The following ARHGAP25 variants were observed in gnomAD, a reference collection of about 807,000 sequenced individuals.
ARHGAP25 encodes rho GTPase-activating protein 25.
Under a neutral mutation model 71.0 loss-of-function variants are expected in ARHGAP25, and 34 were observed. The ratio of observed to expected loss-of-function variants is 0.48; its 90% CI spans 0.36 to 0.64. ARHGAP25 has a LOEUF of 0.64. ARHGAP25 is among the 30% of genes least tolerant of loss of function. ARHGAP25 has a pLI of 0.00. For synonymous variants in ARHGAP25, 282 were observed against 296.5 expected (o/e 0.95, Z 0.50); for missense variants, 706 against 805.1 (o/e 0.88, Z 1.49).
upstream of ARHGAP25, among the ~76,000 whole-genome samples, chr2:68,731,189 C>T (rs549601769): frequency 6.6e-6 from 1 of 152,142 alleles, no homozygotes; most frequent in Non-Finnish European, 1.5e-5. Flanking sequence ...CCCCTTGGGT[C>T]CCTAAATCAA....
At chr2:68,799,150 A>G (rs1362838322) in intron 4 of ARHGAP25, among the ~76,000 whole-genome samples, 1 of 152,202 alleles carries the variant, frequency 6.6e-6, no homozygotes, top group East Asian at 1.9e-4. Context: ...TGGAGGCAAC[A>G]TTGCCAGGGG....
At chr2:68,810,556 T>C (rs1294072173) in intron 5 of ARHGAP25, among the ~76,000 whole-genome samples, 1 of 152,202 alleles carries the variant, frequency 6.6e-6, no homozygotes, top group East Asian at 1.9e-4. Context: ...TTTTGCTCTT[T>C]TATTATAACT....
At chr2:68,822,292 C>T in intron 9 of ARHGAP25, 48 bp from the exon 10 acceptor site, 1 of 1,562,702 alleles carries the variant, frequency 6.4e-7, no homozygotes, top group Non-Finnish European at 8.7e-7. Context: ...GAGCATGACA[C>T]ACAGAGGTGA....
intron 1 of ARHGAP25, among the ~76,000 whole-genome samples, chr2:68,736,340 T>C (rs1242141660): frequency 6.6e-6 from 1 of 152,210 alleles, no homozygotes; most frequent in Non-Finnish European, 1.5e-5. Flanking sequence ...AATGATTGTA[T>C]GCTGAGGTCA....
Position 68,775,673 on chromosome 2 carries a change from C to T in ARHGAP25, c.261+253C>T, listed in dbSNP as rs1400444127. 4.7e-6 allele frequency: 3 copies of T among 641,588 alleles called. No homozygotes were observed. The Admixed American group carries it at 6.3e-5, about 14-fold the overall frequency. 39.7% of individuals were successfully genotyped at this position (641,588 alleles called of 1,614,324 possible). A position where few individuals can be genotyped will look rare whatever the true frequency, so the allele number is the denominator to read the frequency against. Reference sequence around the variant, plus strand: ...ACACATGGCTCTGAGTCAAGACTGGCAACAGGGCGGTGATGGTAGTGACAC... The same window carrying T: ...ACACATGGCTCTGAGTCAAGACTGGTAACAGGGCGGTGATGGTAGTGACAC... On this transcript the variant is annotated intron_variant, in intron 2 of 10. Coordinates refer to ENST00000409202, the MANE Select transcript of ARHGAP25 (RefSeq NM_001007231.3).
chr2:68,740,652 C>T (rs1675473109), intron 1 of ARHGAP25, among the ~76,000 whole-genome samples: 1 of 152,176 alleles, frequency 6.6e-6, no homozygotes, highest in Non-Finnish European at 1.5e-5. Context: ...TTTCCCAGGC[C>T]ATTTAAACAG....
At chr2:68,797,830 G>T (rs1371666983) in intron 4 of ARHGAP25, among the ~76,000 whole-genome samples, 8 of 152,198 alleles carry the variant, frequency 5.3e-5, no homozygotes, top group African/African-American at 1.9e-4. Context: ...CTACGGCCTG[G>T]ATTGTATAAT....
intron 9 of ARHGAP25, among the ~76,000 whole-genome samples, chr2:68,821,414 A>G (rs570297830): frequency 4.3e-4 from 66 of 152,098 alleles, no homozygotes; most frequent in African/African-American, 1.5e-3. Context: ...AGTTCTTCAT[A>G]CTACAAAAGA....
At chr2:68,820,670 G>A (rs1263803986) in intron 9 of ARHGAP25, among the ~76,000 whole-genome samples, 5 of 152,018 alleles carry the variant, frequency 3.3e-5, no homozygotes, top group African/African-American at 1.2e-4. Flanking sequence ...TATGCACATG[G>A]TTCAAGTAAT....
chr2:68,734,826 C>CTG lies in ARHGAP25; in HGVS notation c.-374_-373insTG, dbSNP rs1675122141. On this transcript the variant is annotated 5_prime_UTR_variant, in exon 1 of 11. Coordinates refer to ENST00000409202, the MANE Select transcript of ARHGAP25 (RefSeq NM_001007231.3). ...AAGAGGCAGCAGTTGTTTATCACGA[C>CTG]CTCAACTCAGTAAGGCCTGAGATTC... is the stretch of plus-strand genomic sequence containing the variant. 1 of 264,884 alleles carries CTG rather than the reference C, an allele frequency of 3.8e-6. No homozygotes were observed. Among genetic ancestry groups the CTG allele is most frequent in the African/African-American group, 2.2e-5 (1 of 44,858 alleles). The allele number at this position is 264,884 out of a possible 1,614,324, so 16.4% of individuals were successfully genotyped here.
chr2:68,780,290 A>C (rs1678231003), intron 2 of ARHGAP25, among the ~76,000 whole-genome samples: 1 of 152,206 alleles, frequency 6.6e-6, no homozygotes, highest in African/African-American at 2.4e-5. Flanking sequence ...GGGTGTCAAA[A>C]GACAGTTTGG....
chr2:68,782,128 C>A, intron 2 of ARHGAP25, 105 bp from the exon 3 acceptor site: 1 of 1,021,640 alleles, frequency 9.8e-7, no homozygotes, highest in Non-Finnish European at 1.5e-6. Context: ...TCCCTATCCT[C>A]CTACTCTCCT....
chr2:68,824,680 T>C (rs927342380), intron 10 of ARHGAP25, among the ~76,000 whole-genome samples: 3 of 151,946 alleles, frequency 2.0e-5, no homozygotes, highest in Non-Finnish European at 2.9e-5. Flanking sequence ...AGGCGGAGCT[T>C]GCAGTGAGCC....
chr2:68,753,034 C>A (rs905132372), intron 1 of ARHGAP25, among the ~76,000 whole-genome samples: 3 of 151,884 alleles, frequency 2.0e-5, no homozygotes, highest in Non-Finnish European at 4.4e-5. Flanking sequence ...GTTATGACAA[C>A]CAAAAATACC....
rs1236946166 is a variant in ARHGAP25, at chr2:68,819,225, A to C, written c.1106A>C (p.Asn369Thr). The C allele has an allele frequency of 6.2e-7, 1 of 1,614,156 alleles. No individual in the cohort carries two copies. The change falls in exon 9 of 11, where the codon AAT becomes ACT. Residue 369 changes from asparagine (N) to threonine (T), a missense_variant. Physicochemically the swap from Asn to Thr is moderately conservative, Grantham distance 65 (BLOSUM62 0). Coordinates refer to ENST00000409202, the MANE Select transcript of ARHGAP25 (RefSeq NM_001007231.3). The stretch of plus-strand genomic sequence containing the variant: ...CCCCTGTCACCCCCTGCCCAGAAAA[A>C]TGACCCCAAGAAAGCTCCAGTGGCC... The part of the protein sequence containing the change: ...DIPLSPPAQK[N>T]DPKKAPVARS...
At chr2:68,747,114 T>G (rs1662399125) in intron 1 of ARHGAP25, among the ~76,000 whole-genome samples, 1 of 151,904 alleles carries the variant, frequency 6.6e-6, no homozygotes, top group Non-Finnish European at 1.5e-5. Flanking sequence ...GTCAGCCCAA[T>G]TAAGCATCTG....
chr2:68,798,380 C>G (rs1411546764), intron 4 of ARHGAP25, among the ~76,000 whole-genome samples: 1 of 152,178 alleles, frequency 6.6e-6, no homozygotes, highest in African/African-American at 2.4e-5. Flanking sequence ...CTCATCTCTC[C>G]TGCCCTCAGC....
intron 4 of ARHGAP25, among the ~76,000 whole-genome samples, chr2:68,790,744 C>G (rs572342686): frequency 6.6e-6 from 1 of 152,338 alleles, no homozygotes; most frequent in East Asian, 1.9e-4. Context: ...TTCACCCCTG[C>G]CTTCTTACAG....
chr2:68,784,306 A>G lies in ARHGAP25; in HGVS notation c.349+1986A>G, dbSNP rs554478480. Among the ~76,000 whole-genome samples, 22 of 152,236 alleles carry G rather than the reference A, an allele frequency of 1.4e-4. No homozygotes were observed. In the South Asian group the frequency reaches 2.9e-3, roughly 20 times the overall value. ...TCTTCCAAGGTTCCACCCAACCCTA[A>G]AGTGAGATATCCTTCATGTTATAAC... On this transcript the variant is annotated intron_variant, in intron 3 of 10. Coordinates refer to ENST00000409202, the MANE Select transcript of ARHGAP25 (RefSeq NM_001007231.3).
Sources: gnomAD v4.1 joint callset for allele counts (sites outside exome capture counted in the v4.1 genomes callset) on GRCh38, gnomAD v4.1.1 for gene constraint, MANE v1.5 for transcripts, NCBI Gene and HGNC (gene_info 2026-07-23, HGNC 2026-07-21) for gene names.